The following F13A1 variants were observed in gnomAD, a reference collection of about 807,000 sequenced individuals.
F13A1 encodes FSF, A subunit.
Under a neutral mutation model 80.1 loss-of-function variants are expected in F13A1, and 47 were observed. The observed-to-expected ratio is 0.59, with a 90% CI of 0.46 to 0.75. The LOEUF (loss-of-function observed/expected upper bound fraction) is 0.75, where lower values mean the gene tolerates loss of function less well. F13A1 is among the 30% of genes least tolerant of loss of function. F13A1 has a pLI of 0.00. For synonymous variants in F13A1, 349 were observed against 344.9 expected (o/e 1.01, Z -0.13); for missense variants, 817 against 930.4 (o/e 0.88, Z 1.59).
At chr6:6,231,704 A>G (rs1271905358) in intron 6 of F13A1, among the ~76,000 whole-genome samples, 2 of 152,166 alleles carry the variant, frequency 1.3e-5, no homozygotes, top group Non-Finnish European at 2.9e-5. Flanking sequence ...ATAAAAGAAA[A>G]CCTATCAGAT....
chr6:6,161,959 T>G (rs529669926), intron 13 of F13A1, among the ~76,000 whole-genome samples: 28 of 152,274 alleles, frequency 1.8e-4, no homozygotes, highest in African/African-American at 6.3e-4. Context: ...TAAAGGGGAA[T>G]CAGGTAAGAA....
At chr6:6,157,744 A>G (rs903311880) in intron 13 of F13A1, among the ~76,000 whole-genome samples, 3 of 152,332 alleles carry the variant, frequency 2.0e-5, no homozygotes, top group South Asian at 4.1e-4. Context: ...TTTTAAAAAG[A>G]GAATCAGTAG....
Position 6,309,647 on chromosome 6 carries a change from C to T in F13A1, c.131-4108G>A, listed in dbSNP as rs532246727. Among the ~76,000 whole-genome samples the T allele has an allele frequency of 1.2e-4, 19 of 152,078 alleles. No homozygotes were observed. The South Asian group carries it at 3.5e-3, about 28-fold the overall frequency. ...TTTGGGTTTTAATTGCATGGTGGAT[C>T]CAGTGAAGAATCTGAAACAGCAAAC... On this transcript the variant is annotated intron_variant, in intron 2 of 14. Transcript: ENST00000264870.
intron 8 of F13A1, among the ~76,000 whole-genome samples, chr6:6,199,193 A>C (rs989821304): frequency 1.3e-5 from 2 of 152,214 alleles, no homozygotes; most frequent in Non-Finnish European, 2.9e-5. Context: ...AGCACCCTAT[A>C]AGAACAGTAC....
chr6:6,207,954 T>C (rs987604030), intron 8 of F13A1, among the ~76,000 whole-genome samples: 5 of 152,146 alleles, frequency 3.3e-5, no homozygotes, highest in Non-Finnish European at 5.9e-5. Flanking sequence ...ATTTTAAGAA[T>C]TGCCACATTA....
chr6:6,307,675 C>CA (rs1758533005), intron 2 of F13A1, among the ~76,000 whole-genome samples: 1 of 152,148 alleles, frequency 6.6e-6, no homozygotes, highest in South Asian at 2.1e-4. Context: ...CACAGAACAG[C>CA]AATAGCATTT....
At chr6:6,292,291 A>C (rs1384746574) in intron 3 of F13A1, among the ~76,000 whole-genome samples, 1 of 152,042 alleles carries the variant, frequency 6.6e-6, no homozygotes, top group Non-Finnish European at 1.5e-5. Flanking sequence ...TCTTTATCTC[A>C]TTTGGAAGTG....
At chr6:6,285,343 C>A (rs993419671) in intron 3 of F13A1, among the ~76,000 whole-genome samples, 1 of 152,250 alleles carries the variant, frequency 6.6e-6, no homozygotes, top group African/African-American at 2.4e-5. Flanking sequence ...TTCTGCATCA[C>A]AAATTCACTG....
rs371480974 is a variant in F13A1, at chr6:6,224,925, G to A, written c.799-65C>T. 8.5e-4 allele frequency: 1,329 copies of A among 1,563,854 alleles called. 22 individuals are homozygous for A. In the South Asian group the frequency reaches 0.014, roughly 16 times the overall value. ...TTTAGGTTTGTCTACTCCAGGCTAT[G>A]CATGGCGCAAGCTATGGCTGCCATT... is the stretch of plus-strand genomic sequence containing the variant. On this transcript the variant is annotated intron_variant, in intron 6 of 14. Coordinates refer to ENST00000264870, the MANE Select transcript of F13A1 (RefSeq NM_000129.4).
chr6:6,284,536 C>G (rs1474621276), intron 3 of F13A1, among the ~76,000 whole-genome samples: 1 of 152,194 alleles, frequency 6.6e-6, no homozygotes, highest in Non-Finnish European at 1.5e-5. Flanking sequence ...GCAATAACAG[C>G]AGACTGATTG....
chr6:6,262,709 C>CAA (rs750161407), intron 4 of F13A1, among the ~76,000 whole-genome samples: 8 of 103,556 alleles, frequency 7.7e-5, no homozygotes, highest in African/African-American at 1.8e-4. Context: ...ACTTCACTGA[C>CAA]AAAAAAAAAA....
intron 5 of F13A1, among the ~76,000 whole-genome samples, chr6:6,248,969 G>T (rs1233310705): frequency 6.6e-6 from 1 of 152,202 alleles, no homozygotes; most frequent in Non-Finnish European, 1.5e-5. Context: ...TGGACCCCAG[G>T]ATCAAGGAGA....
intron 13 of F13A1, among the ~76,000 whole-genome samples, chr6:6,154,952 T>C (rs1760447142): frequency 6.6e-6 from 1 of 152,224 alleles, no homozygotes. Context: ...TTCTCCATGG[T>C]ATGCTATATA....
At chr6:6,281,508 G>A (rs960982126) in intron 3 of F13A1, among the ~76,000 whole-genome samples, 2 of 152,148 alleles carry the variant, frequency 1.3e-5, no homozygotes, top group Non-Finnish European at 1.5e-5. Flanking sequence ...TAGGTAGGAG[G>A]AGCTCAGTTA....
intron 8 of F13A1, among the ~76,000 whole-genome samples, chr6:6,216,272 A>G (rs1197873831): frequency 1.3e-5 from 2 of 151,994 alleles, no homozygotes; most frequent in Non-Finnish European, 2.9e-5. Flanking sequence ...CCTGACTTCA[A>G]ACTATACTAC....
intron 3 of F13A1, among the ~76,000 whole-genome samples, chr6:6,302,566 T>C (rs1284762643): frequency 6.6e-6 from 1 of 152,156 alleles, no homozygotes; most frequent in African/African-American, 2.4e-5. Flanking sequence ...TACACCTGCA[T>C]AGGACACTTA....
At chr6:6,182,176 A>G in intron 10 of F13A1, 35 bp from the exon 11 acceptor site, 1 of 1,612,610 alleles carries the variant, frequency 6.2e-7, no homozygotes, top group Non-Finnish European at 8.5e-7. Flanking sequence ...AGCCATCATC[A>G]CATGTCTGCT....
At chr6:6,210,348 T>TATATATATATA (rs1420900272) in intron 8 of F13A1, among the ~76,000 whole-genome samples, 20 of 134,662 alleles carry the variant, frequency 1.5e-4, no homozygotes, top group South Asian at 2.4e-4. Flanking sequence ...TATATATATA[T>TATATATATATA]TTCTTTTTTT....
intron 10 of F13A1, among the ~76,000 whole-genome samples, chr6:6,194,767 G>C (rs1183383085): frequency 1.3e-5 from 2 of 152,168 alleles, no homozygotes; most frequent in African/African-American, 2.4e-5. Context: ...ACAATGCCTG[G>C]TGTACATTAA....
Sources: gnomAD v4.1 joint callset for allele counts (sites outside exome capture counted in the v4.1 genomes callset) on GRCh38, gnomAD v4.1.1 for gene constraint, MANE v1.5 for transcripts, NCBI Gene and HGNC (gene_info 2026-07-23, HGNC 2026-07-21) for gene names.